Variants in SLC7A8 observed in about 807,000 individuals in gnomAD.
SLC7A8 encodes the protein large neutral amino acids transporter small subunit 2.
A neutral mutation model predicts 51.2 loss-of-function variants in SLC7A8; 30 were observed. The ratio of observed to expected loss-of-function variants is 0.59; its 90% confidence interval spans 0.44 to 0.80. The LOEUF (loss-of-function observed/expected upper bound fraction) is 0.80, where lower values mean the gene tolerates loss of function less well. Among genes scored for constraint, SLC7A8 ranks in the 30% least tolerant of loss-of-function variants. SLC7A8 has a pLI of 0.00. For synonymous variants in SLC7A8, 257 were observed against 275.8 expected (o/e 0.93, Z 0.67); for missense variants, 612 against 674.4 (o/e 0.91, Z 1.03).
Position 23,128,066 on chromosome 14 carries a change from A to G in SLC7A8, c.1394T>C (p.Leu465Pro). The change falls in exon 10 of 11, where the codon CTG becomes CCG. Residue 465 changes from leucine (L) to proline (P), a missense_variant. Transcript: ENST00000316902. The surrounding 1 kb of genome is among the most constrained non-coding windows in gnomAD (Gnocchi z 4.3). ...GGGCTTGTGTTGCCAGTAAACACCC[A>G]GGAAATAGACAGGCACTCCTGTCAG... ...IMLTGVPVYF[L>P]GVYWQHKPKC... 6.2e-7 allele frequency: 1 copy of G among 1,614,240 alleles called. No homozygotes were observed. The highest frequency in any genetic ancestry group is 8.5e-7 in the Non-Finnish European group (1 of 1,180,034).
At chr14:23,157,743 G>A (rs919759218) in intron 3 of SLC7A8, among the ~76,000 whole-genome samples, 2 of 152,096 alleles carry the variant, frequency 1.3e-5, no homozygotes, top group African/African-American at 4.8e-5. Flanking sequence ...TGTCCAACTG[G>A]TCTTTCAGTC....
At chr14:23,151,576 G>A (rs1047420985) in intron 3 of SLC7A8, among the ~76,000 whole-genome samples, 10 of 152,040 alleles carry the variant, frequency 6.6e-5, no homozygotes, top group African/African-American at 2.4e-4. Context: ...GGGCAACACA[G>A]CAAGATCCTG....
chr14:23,127,138 A>AG lies in SLC7A8; in HGVS notation c.*38dup, dbSNP rs751120822. On this transcript the variant is annotated 3_prime_UTR_variant, in exon 11 of 11. Transcript: ENST00000316902. ...GACCAAGGCAGGGAGGTAGGATAAA[A>AG]GGGGGAGGAAGGAGAGAGTAGCCAG... is the stretch of plus-strand genomic sequence containing the variant. The AG allele has an allele frequency of 4.3e-6, 7 of 1,610,604 alleles. No individual in the cohort carries two copies. In the South Asian group the frequency reaches 7.7e-5, roughly 18 times the overall value.
chr14:23,129,594 A>G, intron 9 of SLC7A8, 56 bp downstream of exon 9: 1 of 1,580,618 alleles, frequency 6.3e-7, no homozygotes, highest in Non-Finnish European at 8.6e-7. Flanking sequence ...AAAAATCTGA[A>G]CTGCAGCTAG....
chr14:23,131,648 G>A, intron 7 of SLC7A8, 91 bp from the exon 8 acceptor site: 3 of 970,912 alleles, frequency 3.1e-6, no homozygotes, highest in Non-Finnish European at 4.4e-6. Context: ...GCCCACACAG[G>A]GGCATCCCCA....
chr14:23,180,115 C>T (rs535767140), intron 1 of SLC7A8, among the ~76,000 whole-genome samples: 17 of 152,086 alleles, frequency 1.1e-4, no homozygotes, highest in Non-Finnish European at 8.8e-5. Flanking sequence ...ACCGTGTTAG[C>T]CAGGATGGTC....
At chr14:23,144,199 A>T (rs1217638305) in intron 3 of SLC7A8, among the ~76,000 whole-genome samples, 9 of 152,154 alleles carry the variant, frequency 5.9e-5, no homozygotes, top group Admixed American at 5.9e-4. Flanking sequence ...ATCCTGGGCC[A>T]TAGAGTAAAT....
chr14:23,148,372 G>A (rs978949317), intron 3 of SLC7A8, among the ~76,000 whole-genome samples: 1 of 152,122 alleles, frequency 6.6e-6, no homozygotes, highest in African/African-American at 2.4e-5. Flanking sequence ...GGGATTACAG[G>A]TGTCCGCCAC....
At chr14:23,179,952 C>T (rs1877092296) in intron 1 of SLC7A8, among the ~76,000 whole-genome samples, 2 of 146,366 alleles carry the variant, frequency 1.4e-5, no homozygotes, top group African/African-American at 2.6e-5. Context: ...GTCACCCAGA[C>T]TGGAGTGCAG....
rs2048946595 is a variant in SLC7A8 at position 23,165,783 on chromosome 14, A to G, written c.357-347T>C. ...GACAGGACATACTAAGGGTGTGGTT[A>G]CGTAAGCAATAATCAGGAGAGGTAT... On this transcript the variant is annotated intron_variant, in intron 2 of 10. Coordinates refer to ENST00000316902, the MANE Select transcript of SLC7A8 (RefSeq NM_012244.4). The surrounding 1 kb of genome is among the most constrained non-coding windows in gnomAD (Gnocchi z 4.2). Among the ~76,000 whole-genome samples, 1 of 152,158 alleles carries G rather than the reference A, an allele frequency of 6.6e-6. No individual in the cohort carries two copies. The highest frequency in any genetic ancestry group is 1.5e-5 in the Non-Finnish European group (1 of 68,034).
intron 3 of SLC7A8, among the ~76,000 whole-genome samples, chr14:23,151,788 G>A (rs2048849663): frequency 6.7e-6 from 1 of 149,264 alleles, no homozygotes; most frequent in Non-Finnish European, 1.5e-5. Flanking sequence ...AGCTTGCTGG[G>A]CACAGTGGGT....
chr14:23,137,217 T>C (rs1361726067), intron 7 of SLC7A8, among the ~76,000 whole-genome samples: 1 of 152,198 alleles, frequency 6.6e-6, no homozygotes, highest in Admixed American at 6.5e-5. Context: ...CTGGGACTCG[T>C]GGACCCGCTC....
intron 3 of SLC7A8, chr14:23,155,476 C>T: frequency 7.1e-7 from 1 of 1,413,630 alleles, no homozygotes; most frequent in Admixed American, 3.0e-5. Context: ...TTAGCTCAGC[C>T]AAGAGGCAGG....
intron 3 of SLC7A8, among the ~76,000 whole-genome samples, chr14:23,148,266 T>A (rs2048815522): frequency 6.6e-6 from 1 of 152,180 alleles, no homozygotes; most frequent in Admixed American, 6.5e-5. Context: ...TTCGCTCTTG[T>A]TGCCCAGGCT....
chr14:23,130,177 C>T (rs1472722387), intron 8 of SLC7A8: 1 of 173,694 alleles, frequency 5.8e-6, no homozygotes, highest in African/African-American at 2.4e-5. Context: ...TTTAAAATCC[C>T]TTAGGGAAGA....
intron 6 of SLC7A8, 60 bp from the exon 7 acceptor site, chr14:23,138,084 TCCCACTTCACTCTGGGAAACCGTTTCTC>T: frequency 1.3e-6 from 2 of 1,591,014 alleles, no homozygotes; most frequent in Non-Finnish European, 1.7e-6. Flanking sequence ...ACCCCTCAGC[TCCCACTTCACTCTGGGAAACCGTTTCTC>T]CTATCTCCAC....
chr14:23,179,764 C>T (rs1399104457), intron 1 of SLC7A8, among the ~76,000 whole-genome samples: 3 of 152,060 alleles, frequency 2.0e-5, no homozygotes, highest in Admixed American at 6.6e-5. Context: ...ATGCAGTGAG[C>T]ACGCCACAGC....
chr14:23,157,799 C>T (rs1594834895), intron 3 of SLC7A8, among the ~76,000 whole-genome samples: 1 of 152,154 alleles, frequency 6.6e-6, no homozygotes, highest in African/African-American at 2.4e-5. Flanking sequence ...AACCCCAGTC[C>T]CATCCTCACT....
chr14:23,162,088 A>T (rs1439104436), intron 3 of SLC7A8, among the ~76,000 whole-genome samples: 2 of 152,148 alleles, frequency 1.3e-5, no homozygotes, highest in Non-Finnish European at 2.9e-5. Flanking sequence ...GGATTAAAAA[A>T]AAAAAGTATT....
Sources: gnomAD v4.1 joint callset for allele counts (sites outside exome capture counted in the v4.1 genomes callset) on GRCh38, gnomAD v4.1.1 for gene constraint, Gnocchi (gnomAD v3.1) non-coding constraint, MANE v1.5 for transcripts, NCBI Gene and HGNC (gene_info 2026-07-23, HGNC 2026-07-21) for gene names.